The following FRAS1 variants were observed in gnomAD, a reference collection of about 807,000 sequenced individuals.
The protein encoded by FRAS1 is Fraser extracellular matrix complex subunit 1.
In FRAS1, 290 loss-of-function variants were observed where a neutral mutation model predicts 435.2. The ratio of observed to expected loss-of-function variants is 0.67; its 90% CI spans 0.61 to 0.73. The LOEUF (loss-of-function observed/expected upper bound fraction) is 0.73, where lower values mean the gene tolerates loss of function less well. Ranked by LOEUF, FRAS1 falls within the 30% of genes least tolerant of loss-of-function variation. The probability of loss-of-function intolerance (pLI) is 0.00; values close to 1 mark genes in which losing one functional copy is unlikely to be tolerated. For synonymous variants in FRAS1, 1,800 were observed against 1,851.0 expected, an observed-to-expected ratio of 0.97 and a Z score of 0.71; for missense variants, 4,860 against 5,001.5, an observed-to-expected ratio of 0.97 and a Z score of 0.85.
At chr4:78,254,598 T>C (rs1183119001) in intron 5 of FRAS1, among the ~76,000 whole-genome samples, 1 of 152,162 alleles carries the variant, frequency 6.6e-6, no homozygotes, top group Non-Finnish European at 1.5e-5. Context: ...GATTCTTTCT[T>C]AAGTCCTAAG....
chr4:78,313,710 A>C (rs1729126842), intron 15 of FRAS1, among the ~76,000 whole-genome samples: 1 of 151,432 alleles, frequency 6.6e-6, no homozygotes, highest in Admixed American at 6.5e-5. Context: ...CAATCATTCA[A>C]ACTTTTCTTT....
intron 20 of FRAS1, among the ~76,000 whole-genome samples, chr4:78,357,492 T>C (rs385809): frequency 0.17 from 25,791 of 152,158 alleles, 2,885 homozygotes; most frequent in African/African-American, 0.32. Context: ...AGGGAATGGT[T>C]CCTCTGCTTT....
chr4:78,130,443 A>G (rs1234005455), intron 2 of FRAS1, among the ~76,000 whole-genome samples: 6 of 152,316 alleles, frequency 3.9e-5, no homozygotes, highest in Non-Finnish European at 7.4e-5. Flanking sequence ...TGCTAGCAAT[A>G]CTGATATTAA....
At chr4:78,475,674 C>A in intron 54 of FRAS1, 68 bp downstream of exon 54, 2 of 1,414,642 alleles carry the variant, frequency 1.4e-6, no homozygotes, top group Non-Finnish European at 9.4e-7. Context: ...GCAATTGTGG[C>A]ACTTTCCTAC....
At chr4:78,462,835 G>A (rs1258588474) in intron 47 of FRAS1, among the ~76,000 whole-genome samples, 2 of 152,176 alleles carry the variant, frequency 1.3e-5, no homozygotes, top group Non-Finnish European at 2.9e-5. Context: ...TTGTATCTGG[G>A]TGACAAATTT....
At chr4:78,311,644 C>T (rs184640542) in intron 15 of FRAS1, among the ~76,000 whole-genome samples, 4 of 152,170 alleles carry the variant, frequency 2.6e-5, no homozygotes, top group African/African-American at 7.2e-5. Context: ...CAAGTAGTGC[C>T]GGGTTACTTG....
intron 41 of FRAS1, among the ~76,000 whole-genome samples, chr4:78,443,872 A>T (rs1466494443): frequency 6.6e-6 from 1 of 152,176 alleles, no homozygotes; most frequent in Non-Finnish European, 1.5e-5. Context: ...TTTTTGAGAC[A>T]GGGTCTCGCC....
chr4:78,071,292 G>C (rs1740339289), intron 2 of FRAS1: 1 of 151,964 alleles, frequency 6.6e-6, no homozygotes, highest in South Asian at 2.1e-4. Flanking sequence ...CTACTTAATT[G>C]GGATTATATT....
At chr4:78,262,200 C>A (rs1283941010) in intron 6 of FRAS1, among the ~76,000 whole-genome samples, 1 of 152,204 alleles carries the variant, frequency 6.6e-6, no homozygotes, top group South Asian at 2.1e-4. Context: ...TCAGCCTGCA[C>A]TGCTTTGAAG....
Position 78,282,987 on chromosome 4 carries a change from G to A in FRAS1, c.1255+20G>A. On this transcript the variant is annotated intron_variant, in intron 12 of 73. Transcript: ENST00000512123. ...CATCAGGTGGGTCCATGTCTCCTCTGTTTCTACTGAGATAGTTTTACTGCC... is the reference window on the plus strand; with the variant it reads ...CATCAGGTGGGTCCATGTCTCCTCTATTTCTACTGAGATAGTTTTACTGCC... The A allele has an allele frequency of 7.0e-7, 1 of 1,428,590 alleles. No individual in the cohort carries two copies. Among genetic ancestry groups the A allele is most frequent in the East Asian group, 2.7e-5 (1 of 36,460 alleles). The allele number at this position is 1,428,590 out of a possible 1,614,324, so 88.5% of individuals were successfully genotyped here. A position where few individuals can be genotyped will look rare whatever the true frequency, so the allele number is the denominator to read the frequency against.
intron 2 of FRAS1, among the ~76,000 whole-genome samples, chr4:78,140,704 CATATACGTGTGTGTATATGT>C (rs1334605345): frequency 3.4e-5 from 4 of 118,952 alleles, no homozygotes; most frequent in South Asian, 2.3e-4. Context: ...TGTGTATATG[CATATACGTGTGTGTATATGT>C]ATATACGTGT....
chr4:78,388,410 G>A (rs781522208), intron 29 of FRAS1, among the ~76,000 whole-genome samples: 2 of 151,376 alleles, frequency 1.3e-5, no homozygotes, highest in Non-Finnish European at 2.9e-5. Context: ...ACTCAAAAAC[G>A]TTGAGTTCAG....
intron 3 of FRAS1, 79 bp downstream of exon 3, chr4:78,237,696 G>A (rs1724823366): frequency 1.6e-6 from 1 of 620,812 alleles, no homozygotes; most frequent in African/African-American, 1.8e-5. Flanking sequence ...TCAGACATCT[G>A]TTTTTGACAT....
intron 2 of FRAS1, among the ~76,000 whole-genome samples, chr4:78,210,987 G>A (rs1322901799): frequency 6.6e-6 from 1 of 152,202 alleles, no homozygotes; most frequent in Non-Finnish European, 1.5e-5. Flanking sequence ...TCCTCCTGGT[G>A]CGCGTATGGT....
rs28508158 is a variant in FRAS1 at position 78,467,087 on chromosome 4, C to G, written c.7257+652C>G. On this transcript the variant is annotated intron_variant, in intron 50 of 73. Transcript: ENST00000512123. ...TTTATCCTTTGTGTTACAAACAATC[C>G]AGTTATTCTCTTTTAGTTATTTTAA... Among the ~76,000 whole-genome samples, 16 of 152,218 alleles carry G rather than the reference C, an allele frequency of 1.1e-4. 1 individual carries two copies. The South Asian group carries it at 3.3e-3, about 32-fold the overall frequency.
At chr4:78,288,779 G>T (rs1727740445) in intron 14 of FRAS1, among the ~76,000 whole-genome samples, 1 of 152,116 alleles carries the variant, frequency 6.6e-6, no homozygotes, top group Non-Finnish European at 1.5e-5. Flanking sequence ...TTGGCACTAA[G>T]ATTATCTTTC....
Position 78,470,172 on chromosome 4 carries a change from G to C in FRAS1, c.7371+81G>C, listed in dbSNP as rs1479131724. ...TCACGACAATGACTTATGAATAGAA[G>C]TCCAGTTCAGCTCACCTGTTTATCC... On this transcript the variant is annotated intron_variant, in intron 51 of 73. Coordinates refer to ENST00000512123, the MANE Select transcript of FRAS1 (RefSeq NM_025074.7). The C allele has an allele frequency of 3.5e-6, 3 of 867,102 alleles. No individual in the cohort carries two copies. The African/African-American group carries it at 5.1e-5, about 15-fold the overall frequency. The allele number at this position is 867,102 out of a possible 1,614,324, so 53.7% of individuals were successfully genotyped here. A position where few individuals can be genotyped will look rare whatever the true frequency, so the allele number is the denominator to read the frequency against.
chr4:78,091,255 T>A (rs979238878), intron 2 of FRAS1, among the ~76,000 whole-genome samples: 1 of 152,152 alleles, frequency 6.6e-6, no homozygotes, highest in Admixed American at 6.6e-5. Flanking sequence ...TCTTTTTTGG[T>A]ATTTCTTCTG....
chr4:78,094,335 G>A (rs1158425423), intron 2 of FRAS1, among the ~76,000 whole-genome samples: 1 of 151,890 alleles, frequency 6.6e-6, no homozygotes, highest in Non-Finnish European at 1.5e-5. Flanking sequence ...AAGCAGCATA[G>A]CTTTCCCCTG....
Sources: gnomAD v4.1 joint callset for allele counts (sites outside exome capture counted in the v4.1 genomes callset) on GRCh38, gnomAD v4.1.1 for gene constraint, MANE v1.5 for transcripts, NCBI Gene and HGNC (gene_info 2026-07-23, HGNC 2026-07-21) for gene names.